The following TTLL11 variants were observed in gnomAD, a reference collection of about 807,000 sequenced individuals.
TTLL11 encodes tubulin tyrosine ligase like 11.
In TTLL11, 42 loss-of-function variants were observed where a neutral mutation model predicts 51.7. The ratio of observed to expected loss-of-function variants is 0.81; its 90% CI spans 0.64 to 1.05. The LOEUF (loss-of-function observed/expected upper bound fraction) is 1.05, where lower values mean the gene tolerates loss of function less well. Among genes scored for constraint, TTLL11 ranks in the 50% least tolerant of loss-of-function variants. The probability of loss-of-function intolerance (pLI) is 0.00; values close to 1 mark genes in which losing one functional copy is unlikely to be tolerated. For synonymous variants in TTLL11, 381 were observed against 383.5 expected (o/e 0.99, Z 0.08); for missense variants, 799 against 940.4 (o/e 0.85, Z 1.97).
chr9:121,941,783 C>A (rs62574000), intron 6 of TTLL11, among the ~76,000 whole-genome samples: 2 of 152,286 alleles, frequency 1.3e-5, no homozygotes, highest in South Asian at 4.1e-4. Flanking sequence ...TTGTGTGGCA[C>A]GGATCAGTAC....
intron 6 of TTLL11, among the ~76,000 whole-genome samples, chr9:121,878,436 G>A (rs1838651592): frequency 6.6e-6 from 1 of 152,134 alleles, no homozygotes; most frequent in Non-Finnish European, 1.5e-5. Context: ...AATGTGTGTC[G>A]ACTATATGAA....
intron 1 of TTLL11, among the ~76,000 whole-genome samples, chr9:122,045,052 ACT>A: frequency 6.6e-6 from 1 of 151,986 alleles, no homozygotes; most frequent in South Asian, 2.1e-4. Flanking sequence ...GCTATAGTGA[ACT>A]ATGATTGCAC....
At chr9:121,891,301 T>C (rs772829025) in intron 6 of TTLL11, among the ~76,000 whole-genome samples, 59 of 152,280 alleles carry the variant, frequency 3.9e-4, no homozygotes, top group Non-Finnish European at 6.9e-4. Context: ...CCTGAAACAA[T>C]GGCGATGCCA....
intron 6 of TTLL11, among the ~76,000 whole-genome samples, chr9:121,965,493 A>G (rs1308086747): frequency 6.6e-6 from 1 of 152,174 alleles, no homozygotes; most frequent in Admixed American, 6.5e-5. Flanking sequence ...AACTGCCCCC[A>G]TGATCCAATC....
intron 1 of TTLL11, among the ~76,000 whole-genome samples, chr9:122,087,544 G>A (rs956448574): frequency 3.3e-5 from 5 of 152,088 alleles, no homozygotes; most frequent in Non-Finnish European, 7.3e-5. Context: ...CTCAGGACAG[G>A]GGCTTATTCA....
chr9:122,029,946 A>G (rs1246223583), intron 3 of TTLL11, among the ~76,000 whole-genome samples: 1 of 152,186 alleles, frequency 6.6e-6, no homozygotes, highest in Non-Finnish European at 1.5e-5. Flanking sequence ...TATTAAGTCC[A>G]GTACCATGCT....
intron 1 of TTLL11, among the ~76,000 whole-genome samples, chr9:122,081,632 GT>G (rs1238347061): frequency 6.6e-6 from 1 of 152,194 alleles, no homozygotes; most frequent in Non-Finnish European, 1.5e-5. Context: ...AATTCACTGG[GT>G]ATTTCACAGC....
chr9:122,017,616 C>T (rs1844026469), intron 3 of TTLL11, among the ~76,000 whole-genome samples: 1 of 152,076 alleles, frequency 6.6e-6, no homozygotes, highest in Non-Finnish European at 1.5e-5. Context: ...GCACCCACCA[C>T]CATGCCCAGC....
At chr9:122,056,328 A>G (rs1273087551) in intron 1 of TTLL11, among the ~76,000 whole-genome samples, 1 of 152,226 alleles carries the variant, frequency 6.6e-6, no homozygotes, top group Non-Finnish European at 1.5e-5. Flanking sequence ...AATTTCTGTA[A>G]TAATAATGAA....
chr9:121,895,999 AGTGT>A (rs1266449691), intron 6 of TTLL11, among the ~76,000 whole-genome samples: 6 of 18,412 alleles, frequency 3.3e-4, no homozygotes, highest in African/African-American at 1.2e-3. Flanking sequence ...GTTTTGTGTG[AGTGT>A]GTATGTGTGG....
At chr9:121,935,424 T>C (rs901822954) in intron 6 of TTLL11, among the ~76,000 whole-genome samples, 1 of 152,362 alleles carries the variant, frequency 6.6e-6, no homozygotes, top group South Asian at 2.1e-4. Context: ...GAACCTTGAA[T>C]GTTCAAGGAC....
intron 3 of TTLL11, among the ~76,000 whole-genome samples, chr9:121,991,617 C>T (rs1564345478): frequency 6.6e-6 from 1 of 152,202 alleles, no homozygotes; most frequent in Non-Finnish European, 1.5e-5. Flanking sequence ...AAGACACTAA[C>T]AGTTCAATAT....
At chr9:121,992,228 C>G (rs1588183951) in intron 3 of TTLL11, among the ~76,000 whole-genome samples, 1 of 152,288 alleles carries the variant, frequency 6.6e-6, no homozygotes, top group East Asian at 1.9e-4. Context: ...TTGTTCAGAA[C>G]GTGGTTCCCA....
chr9:121,968,287 C>T (rs559952362), intron 6 of TTLL11, among the ~76,000 whole-genome samples: 2 of 152,174 alleles, frequency 1.3e-5, no homozygotes, highest in Non-Finnish European at 1.5e-5. Flanking sequence ...AAATAGTTCA[C>T]ATATGACAGA....
At chr9:121,882,314 G>T (rs1027297922) in intron 6 of TTLL11, among the ~76,000 whole-genome samples, 1 of 152,146 alleles carries the variant, frequency 6.6e-6, no homozygotes, top group Non-Finnish European at 1.5e-5. Context: ...GCGTGACCTA[G>T]AGGAAGTCTT....
At chr9:122,039,829 A>C (rs1564370784) in intron 1 of TTLL11, among the ~76,000 whole-genome samples, 1 of 151,900 alleles carries the variant, frequency 6.6e-6, no homozygotes, top group Non-Finnish European at 1.5e-5. Context: ...ACCGAGCCCA[A>C]AAGAATAAGC....
intron 6 of TTLL11, among the ~76,000 whole-genome samples, chr9:121,899,387 A>G (rs867528801): frequency 2.5e-5 from 3 of 121,496 alleles, no homozygotes; most frequent in Non-Finnish European, 3.6e-5. Context: ...ACATATATAT[A>G]TATATATATA....
intron 3 of TTLL11, among the ~76,000 whole-genome samples, chr9:122,023,486 AAAAAAT>A (rs1723531203): frequency 6.6e-6 from 1 of 152,026 alleles, no homozygotes; most frequent in Admixed American, 6.5e-5. Flanking sequence ...AGACATTACA[AAAAAAT>A]AAAAATAAAA....
chr9:121,959,647 C>T (rs2131621924), intron 6 of TTLL11, among the ~76,000 whole-genome samples: 1 of 152,288 alleles, frequency 6.6e-6, no homozygotes, highest in South Asian at 2.1e-4. Flanking sequence ...TGACCGACAT[C>T]CCCCAAAACT....
Sources: gnomAD v4.1 joint callset for allele counts (sites outside exome capture counted in the v4.1 genomes callset) on GRCh38, gnomAD v4.1.1 for gene constraint, MANE v1.5 for transcripts, NCBI Gene and HGNC (gene_info 2026-07-23, HGNC 2026-07-21) for gene names.